Variants in SGCD observed in about 807,000 individuals in gnomAD.
SGCD encodes sarcoglycan delta, also known as delta-sarcoglycan.
In SGCD, 18 loss-of-function variants were observed where a neutral mutation model predicts 36.6. The ratio of observed to expected loss-of-function variants is 0.49; its 90% CI spans 0.34 to 0.73. SGCD has a LOEUF of 0.73. Among genes scored for constraint, SGCD ranks in the 30% least tolerant of loss-of-function variants. The probability of loss-of-function intolerance (pLI) is 0.01; values close to 1 mark genes in which losing one functional copy is unlikely to be tolerated. For missense variants in SGCD, 387 were observed against 346.7 expected (o/e 1.12, Z -0.92); for synonymous variants, 133 against 130.6 (o/e 1.02, Z -0.12).
At chr5:155,872,751 C>T (rs1269283242) in intron 1 of SGCD, among the ~76,000 whole-genome samples, 1 of 152,140 alleles carries the variant, frequency 6.6e-6, no homozygotes, top group Non-Finnish European at 1.5e-5. Flanking sequence ...TTTTCCTGGT[C>T]TGTTAGTAGA....
chr5:156,652,269 C>T (rs1164772166), intron 7 of SGCD, among the ~76,000 whole-genome samples: 1 of 151,846 alleles, frequency 6.6e-6, no homozygotes, highest in Non-Finnish European at 1.5e-5. Flanking sequence ...TCACTTGAGC[C>T]CAGGAGTCTG....
chr5:155,762,836 T>C, the SGCD span, among the ~76,000 whole-genome samples: 1 of 152,298 alleles, frequency 6.6e-6, no homozygotes, highest in African/African-American at 2.4e-5. Flanking sequence ...GTTCCTTATT[T>C]CTTGTGTTTC....
upstream of SGCD, among the ~76,000 whole-genome samples, chr5:155,868,178 A>G (rs947271585): frequency 1.3e-5 from 2 of 151,838 alleles, no homozygotes; most frequent in Admixed American, 1.3e-4. Context: ...CAGCCTCCCA[A>G]GTAGCTGGGA....
intron 3 of SGCD, among the ~76,000 whole-genome samples, chr5:156,232,123 C>A (rs1765034260): frequency 6.6e-6 from 1 of 152,180 alleles, no homozygotes; most frequent in Non-Finnish European, 1.5e-5. Context: ...GAGCCAACAC[C>A]AGCTTACCTT....
intron 3 of SGCD, among the ~76,000 whole-genome samples, chr5:156,485,159 T>A (rs1755602132): frequency 6.6e-6 from 1 of 152,188 alleles, no homozygotes; most frequent in Admixed American, 6.5e-5. Flanking sequence ...CTTTTAGACA[T>A]GGACTGAGGG....
intron 3 of SGCD, among the ~76,000 whole-genome samples, chr5:156,304,161 C>T (rs1248254094): frequency 2.0e-5 from 3 of 152,116 alleles, no homozygotes; most frequent in African/African-American, 4.8e-5. Flanking sequence ...GGGTAACTTC[C>T]CTCTGGCTAA....
chr5:156,569,518 G>A (rs939132372), intron 4 of SGCD, among the ~76,000 whole-genome samples: 4 of 151,922 alleles, frequency 2.6e-5, no homozygotes, highest in South Asian at 2.1e-4. Flanking sequence ...CTTGAACTTC[G>A]GAGGCAGAGG....
At chr5:156,671,423 C>G (rs1232868034) in intron 7 of SGCD, among the ~76,000 whole-genome samples, 1 of 151,974 alleles carries the variant, frequency 6.6e-6, no homozygotes, top group African/African-American at 2.4e-5. Context: ...CAAGCTCACA[C>G]CACTACACCT....
chr5:156,070,205 T>C lies in SGCD; in HGVS notation c.-281-47673T>C, dbSNP rs577923669. On this transcript the variant is annotated intron_variant, in intron 1 of 9. Coordinates refer to the SGCD transcript ENST00000517913. ...GGTGAGAGAGGGCATCCCTGTCTTGTGCCAGTTTTCAAAGGGAACGCTTCC... is the reference window on the plus strand; with the variant it reads ...GGTGAGAGAGGGCATCCCTGTCTTGCGCCAGTTTTCAAAGGGAACGCTTCC... Among the ~76,000 whole-genome samples the C allele has an allele frequency of 1.9e-3, 287 of 151,274 alleles. 3 individuals are homozygous for C. The highest frequency in any genetic ancestry group is 6.9e-3 in the African/African-American group (279 of 40,542).
chr5:155,961,220 G>A (rs1757783604), intron 1 of SGCD, among the ~76,000 whole-genome samples: 1 of 152,002 alleles, frequency 6.6e-6, no homozygotes. Context: ...CCTGCTTAAA[G>A]AACAAAAATA....
At chr5:156,071,715 A>T (rs1014135248) in intron 1 of SGCD, among the ~76,000 whole-genome samples, 2 of 152,122 alleles carry the variant, frequency 1.3e-5, no homozygotes, top group Admixed American at 1.3e-4. Context: ...TGATCTGTCT[A>T]ATGTTGACAG....
At chr5:156,537,653 A>G (rs999721027) in intron 4 of SGCD, among the ~76,000 whole-genome samples, 1 of 151,896 alleles carries the variant, frequency 6.6e-6, no homozygotes, top group African/African-American at 2.4e-5. Flanking sequence ...TATCAATTTT[A>G]TCTTCATGCC....
chr5:156,697,750 CGGATGGATGGAT>C lies in SGCD; in HGVS notation c.575+50248_575+50259del, dbSNP rs10544582. Among the ~76,000 whole-genome samples the C allele has an allele frequency of 5.1e-4, 76 of 149,162 alleles. 3 individuals carry two copies. The highest frequency in any genetic ancestry group is 4.4e-3 in the East Asian group (22 of 5,028). Reference sequence around the variant, plus strand: ...TGGAAGATAGTATTGGATGGACGGACGGATGGATGGATGGATGGATGGATGGATGGATGGATG... The same window carrying C: ...TGGAAGATAGTATTGGATGGACGGACGGATGGATGGATGGATGGATGGATG... On this transcript the variant is annotated intron_variant, in intron 7 of 8. Transcript: ENST00000337851.
In SGCD at chr5:156,496,513, T is replaced by G. The variant is rs200747672; in HGVS notation, c.193-12088T>G. 1.2e-4 allele frequency among the ~76,000 whole-genome samples: 18 copies of G among 152,268 alleles called. No individual in the cohort carries two copies. In the East Asian group the frequency reaches 3.5e-3, roughly 29 times the overall value. On this transcript the variant is annotated intron_variant, in intron 3 of 8. Transcript: ENST00000337851. ...AGGTGTAATTGTGATTCTTTTTGGC[T>G]AATAGAGACTTTTCATCTGTAAGTC...
intron 3 of SGCD, among the ~76,000 whole-genome samples, chr5:156,229,337 C>T (rs1430321835): frequency 8.4e-6 from 1 of 118,526 alleles, no homozygotes; most frequent in Non-Finnish European, 1.7e-5. Flanking sequence ...CTCTAGAGAA[C>T]TCTGACTAAT....
intron 3 of SGCD, among the ~76,000 whole-genome samples, chr5:156,380,515 C>T (rs1472263174): frequency 3.9e-5 from 6 of 152,198 alleles, no homozygotes; most frequent in African/African-American, 1.4e-4. Flanking sequence ...TAGCAAATGA[C>T]TTGCATGAGG....
intron 2 of SGCD, 144 bp from the exon 3 acceptor site, chr5:156,344,345 C>T (rs1009099942): frequency 1.0e-4 from 59 of 579,840 alleles, no homozygotes; most frequent in Non-Finnish European, 1.6e-4. Flanking sequence ...CCAGAGGAAA[C>T]AGATTTTTAG....
intron 7 of SGCD, among the ~76,000 whole-genome samples, chr5:156,696,576 C>T (rs1258740558): frequency 6.6e-6 from 1 of 152,144 alleles, no homozygotes; most frequent in African/African-American, 2.4e-5. Flanking sequence ...GTGGCACAAT[C>T]TTGGCTCACA....
intron 4 of SGCD, among the ~76,000 whole-genome samples, chr5:156,553,229 A>G (rs1297721116): frequency 6.6e-6 from 1 of 151,772 alleles, no homozygotes; most frequent in Non-Finnish European, 1.5e-5. Flanking sequence ...TGACCCAAAC[A>G]CCTCCCAGTA....
Sources: gnomAD v4.1 joint callset for allele counts (sites outside exome capture counted in the v4.1 genomes callset) on GRCh38, gnomAD v4.1.1 for gene constraint, MANE v1.5 for transcripts, NCBI Gene and HGNC (gene_info 2026-07-23, HGNC 2026-07-21) for gene names.